The following KCTD16 variants were observed in gnomAD, a reference collection of about 807,000 sequenced individuals.
KCTD16 encodes the protein BTB/POZ domain-containing protein KCTD16.
A neutral mutation model predicts 33.2 loss-of-function variants in KCTD16; 13 were observed. That is an observed-to-expected ratio of 0.39 (90% CI 0.25 to 0.62). The LOEUF (loss-of-function observed/expected upper bound fraction) is 0.62, where lower values mean the gene tolerates loss of function less well. Among genes scored for constraint, KCTD16 ranks in the 20% least tolerant of loss-of-function variants. KCTD16 has a pLI of 0.50. For missense variants in KCTD16, 441 were observed against 525.1 expected (o/e 0.84, Z 1.57); for synonymous variants, 197 against 195.3 (o/e 1.01, Z -0.07).
At chr5:144,256,168 A>C (rs1272303469) in intron 3 of KCTD16, among the ~76,000 whole-genome samples, 1 of 151,980 alleles carries the variant, frequency 6.6e-6, no homozygotes, top group Non-Finnish European at 1.5e-5. Context: ...CTTAAACTAA[A>C]CTCCTTTCCT....
At chr5:144,401,214 A>T (rs1453031076) in intron 3 of KCTD16, among the ~76,000 whole-genome samples, 1 of 152,182 alleles carries the variant, frequency 6.6e-6, no homozygotes, top group Non-Finnish European at 1.5e-5. Flanking sequence ...TTTTAATTTA[A>T]TTACAATTAA....
At chr5:144,265,259 G>A (rs1327489503) in intron 3 of KCTD16, among the ~76,000 whole-genome samples, 1 of 152,050 alleles carries the variant, frequency 6.6e-6, no homozygotes, top group African/African-American at 2.4e-5. Flanking sequence ...TTAATCACAA[G>A]CAGGTAAGAT....
intron 3 of KCTD16, among the ~76,000 whole-genome samples, chr5:144,232,258 A>G (rs1754125116): frequency 6.6e-6 from 1 of 152,236 alleles, no homozygotes; most frequent in Admixed American, 6.5e-5. Context: ...AATATGATCC[A>G]TAAGATCACA....
At chr5:144,450,585 G>A (rs892575841) in intron 3 of KCTD16, among the ~76,000 whole-genome samples, 7 of 151,978 alleles carry the variant, frequency 4.6e-5, no homozygotes, top group Non-Finnish European at 2.9e-5. Flanking sequence ...AGAAAATGTG[G>A]CATATACATA....
rs369063891 is a variant in KCTD16 at position 144,296,106 on chromosome 5, A to G, written c.832+88560A>G. 6.6e-5 allele frequency among the ~76,000 whole-genome samples: 10 copies of G among 152,194 alleles called. 1 individual carries two copies. Among genetic ancestry groups the G allele is most frequent in the Admixed American group, 6.5e-4 (10 of 15,280 alleles). On this transcript the variant is annotated intron_variant, in intron 3 of 3. Transcript: ENST00000512467. ...TACTTCAGAGTCTCTGCTTTCTGCT[A>G]TTGCATGCAAAGCAACTTCAGTAGC... is the stretch of plus-strand genomic sequence containing the variant.
At chr5:144,171,691 C>G (rs1752387663) in intron 1 of KCTD16, among the ~76,000 whole-genome samples, 1 of 152,148 alleles carries the variant, frequency 6.6e-6, no homozygotes, top group Admixed American at 6.5e-5. Context: ...AACCACTCTT[C>G]TAAGTGGAAC....
intron 3 of KCTD16, among the ~76,000 whole-genome samples, chr5:144,465,227 C>T (rs895365391): frequency 2.3e-5 from 3 of 132,090 alleles, no homozygotes; most frequent in Non-Finnish European, 4.6e-5. Context: ...TTCTCTCTCT[C>T]GCCTTTCTGG....
At chr5:144,422,530 A>G (rs1053860401) in intron 3 of KCTD16, among the ~76,000 whole-genome samples, 2 of 152,192 alleles carry the variant, frequency 1.3e-5, no homozygotes, top group Admixed American at 6.5e-5. Flanking sequence ...CTCCGTCTCC[A>G]AATAGTACAG....
At chr5:144,221,967 C>A (rs953227117) in intron 3 of KCTD16, among the ~76,000 whole-genome samples, 3 of 152,078 alleles carry the variant, frequency 2.0e-5, no homozygotes, top group African/African-American at 7.2e-5. Context: ...TTCTAACTGG[C>A]GTGAGATGGT....
At chr5:144,384,352 C>T (rs577616289) in intron 3 of KCTD16, 25 of 152,260 alleles carry the variant, frequency 1.6e-4, no homozygotes, top group African/African-American at 6.0e-4. Flanking sequence ...AAAGGAGCTT[C>T]GTCATTCTGT....
chr5:144,298,247 G>A (rs1756102907), intron 3 of KCTD16, among the ~76,000 whole-genome samples: 1 of 152,174 alleles, frequency 6.6e-6, no homozygotes, highest in Non-Finnish European at 1.5e-5. Flanking sequence ...CAGAGAACAC[G>A]AGGCTTGCGA....
At chr5:144,456,906 CTGT>C (rs1239347780) in intron 3 of KCTD16, among the ~76,000 whole-genome samples, 3 of 152,104 alleles carry the variant, frequency 2.0e-5, no homozygotes, top group African/African-American at 7.2e-5. Flanking sequence ...ACTATACAGA[CTGT>C]TTTTATTCCG....
At chr5:144,239,122 C>A (rs1754332664) in intron 3 of KCTD16, among the ~76,000 whole-genome samples, 1 of 152,092 alleles carries the variant, frequency 6.6e-6, no homozygotes, top group Non-Finnish European at 1.5e-5. Flanking sequence ...GTCTTATCTG[C>A]AAACTGGGGA....
intron 2 of KCTD16, among the ~76,000 whole-genome samples, chr5:144,186,351 T>TAAAAAA (rs1561522368): frequency 8.2e-6 from 1 of 121,788 alleles, no homozygotes; most frequent in East Asian, 2.4e-4. Flanking sequence ...CTCATTTTTT[T>TAAAAAA]TAAAAAAAAA....
At chr5:144,417,829 T>G (rs1561600949) in intron 3 of KCTD16, among the ~76,000 whole-genome samples, 1 of 152,112 alleles carries the variant, frequency 6.6e-6, no homozygotes, top group Non-Finnish European at 1.5e-5. Context: ...TGCAGTTATT[T>G]TGGTATTATT....
At chr5:144,325,474 C>T (rs1247277468) in intron 3 of KCTD16, among the ~76,000 whole-genome samples, 1 of 152,122 alleles carries the variant, frequency 6.6e-6, no homozygotes, top group Non-Finnish European at 1.5e-5. Flanking sequence ...GAACCCTCTC[C>T]TCCTTCCTCA....
At chr5:144,330,925 T>C (rs993882484) in intron 3 of KCTD16, among the ~76,000 whole-genome samples, 4 of 152,210 alleles carry the variant, frequency 2.6e-5, no homozygotes, top group Non-Finnish European at 5.9e-5. Flanking sequence ...AGTAATAAAC[T>C]GGAGGGACTT....
rs1754659039 is a variant in KCTD16, at chr5:144,479,365, C to CAAAAAAAAAAAAAAAAGA, written c.*5256_*5273dup. On this transcript the variant is annotated 3_prime_UTR_variant, in exon 4 of 4. Coordinates refer to ENST00000512467, the MANE Select transcript of KCTD16 (RefSeq NM_020768.4). ...CCAAACTGATGTGTAAGAATAAATG[C>CAAAAAAAAAAAAAAAAGA]AAAAAAAAAAAAAAAAGAAAAAGAA... is the stretch of plus-strand genomic sequence containing the variant. 1 of 92,398 alleles carries CAAAAAAAAAAAAAAAAGA rather than the reference C, an allele frequency of 1.1e-5. No individual in the cohort carries two copies. The allele number at this position is 92,398 out of a possible 1,614,324, so 5.7% of individuals were successfully genotyped here.
chr5:144,179,324 A>G (rs1280724655), intron 2 of KCTD16, among the ~76,000 whole-genome samples: 1 of 152,092 alleles, frequency 6.6e-6, no homozygotes, highest in African/African-American at 2.4e-5. Context: ...TGAGCTGGTA[A>G]AATTATTCAA....
Sources: gnomAD v4.1 joint callset for allele counts (sites outside exome capture counted in the v4.1 genomes callset) on GRCh38, gnomAD v4.1.1 for gene constraint, MANE v1.5 for transcripts, NCBI Gene and HGNC (gene_info 2026-07-23, HGNC 2026-07-21) for gene names.